Variants in NFIB observed in about 807,000 individuals in gnomAD.
NFIB encodes nuclear factor 1 B-type.
Under a neutral mutation model 61.5 loss-of-function variants are expected in NFIB, and 11 were observed. That is an observed-to-expected ratio of 0.18 (90% confidence interval 0.11 to 0.30). NFIB has a LOEUF of 0.30. Ranked by LOEUF, NFIB falls within the 10% of genes least tolerant of loss-of-function variation. The pLI is 1.00. For missense variants in NFIB, 471 were observed against 608.9 expected, an observed-to-expected ratio of 0.77 and a Z score of 2.38; for synonymous variants, 260 against 216.5, an observed-to-expected ratio of 1.20 and a Z score of -1.76.
At chr9:14,455,523 A>C in the NFIB span, among the ~76,000 whole-genome samples, 1 of 152,082 alleles carries the variant, frequency 6.6e-6, no homozygotes, top group Admixed American at 6.6e-5. Context: ...CTAAAAGGAG[A>C]AAGATGAAAA....
upstream of NFIB, chr9:14,316,958 G>C (rs879820643): frequency 6.6e-6 from 1 of 151,930 alleles, no homozygotes; most frequent in Non-Finnish European, 1.5e-5. Context: ...CCATTATTTC[G>C]GGGTCTCTTT....
intron 2 of NFIB, among the ~76,000 whole-genome samples, chr9:14,235,174 A>G (rs545164447): frequency 6.6e-6 from 1 of 152,220 alleles, no homozygotes; most frequent in African/African-American, 2.4e-5. Context: ...TCAGAAAAAA[A>G]GACTTCACAC....
intron 10 of NFIB, among the ~76,000 whole-genome samples, chr9:14,098,482 C>A (rs1385690538): frequency 6.6e-6 from 1 of 152,216 alleles, no homozygotes; most frequent in Non-Finnish European, 1.5e-5. Flanking sequence ...TCTTTCATAT[C>A]TGACAGTACA....
At chr9:14,303,089 TTC>T (rs913527325) in intron 2 of NFIB, among the ~76,000 whole-genome samples, 6 of 152,176 alleles carry the variant, frequency 3.9e-5, no homozygotes, top group Non-Finnish European at 2.9e-5. Flanking sequence ...CTTTAAAGTT[TTC>T]TCTCTCTCTT....
At chr9:14,301,778 G>A (rs1223339517) in intron 2 of NFIB, among the ~76,000 whole-genome samples, 1 of 152,104 alleles carries the variant, frequency 6.6e-6, no homozygotes, top group East Asian at 1.9e-4. Context: ...ACTTCTGGTG[G>A]GAGACTGTGT....
At chr9:14,252,879 C>T (rs80311137) in intron 2 of NFIB, among the ~76,000 whole-genome samples, 6,077 of 135,786 alleles carry the variant, frequency 0.045, 414 homozygotes, top group African/African-American at 0.15. Flanking sequence ...TAAACTTCTA[C>T]AAGAAGTCCA....
At position 14,127,313 on chromosome 9, in the gene NFIB, A is replaced by G. The variant is rs115494355; in HGVS notation, c.926-1547T>C. Among the ~76,000 whole-genome samples, 816 of 152,334 alleles carry G rather than the reference A, an allele frequency of 5.4e-3. 9 individuals carry two copies. Among genetic ancestry groups the G allele is most frequent in the African/African-American group, 0.017 (711 of 41,572 alleles). ...GTTTATCAACTCATAGTAAAATGTT[A>G]TAAAAATGATGAGCTATAAAATTTG... On this transcript the variant is annotated intron_variant, in intron 6 of 10. Transcript: ENST00000380953.
rs1483316260 is a variant in NFIB, at chr9:14,085,990, C to A, written c.*2319G>T. On this transcript the variant is annotated 3_prime_UTR_variant, in exon 11 of 11. Coordinates refer to ENST00000380953, the MANE Select transcript of NFIB (RefSeq NM_001190737.2). ...TGGAACTTTCAAGAAAAACTATCAC[C>A]AAGCCAAGTCTGCCTTTTTAAGCCA... The A allele has an allele frequency of 1.7e-5, 4 of 229,594 alleles. No homozygotes were observed. Among genetic ancestry groups the A allele is most frequent in the Non-Finnish European group, 3.5e-5 (4 of 115,650 alleles). The allele number at this position is 229,594 out of a possible 1,614,324, so 14.2% of individuals were successfully genotyped here. A position where few individuals can be genotyped will look rare whatever the true frequency, so the allele number is the denominator to read the frequency against.
intron 6 of NFIB, among the ~76,000 whole-genome samples, chr9:14,141,561 C>T (rs898570105): frequency 1.2e-4 from 18 of 152,080 alleles, no homozygotes; most frequent in African/African-American, 4.1e-4. Flanking sequence ...GTTACTTTTC[C>T]ATTCAGGAGG....
the NFIB span, among the ~76,000 whole-genome samples, chr9:14,494,160 G>A: frequency 6.6e-6 from 1 of 152,064 alleles, no homozygotes; most frequent in Non-Finnish European, 1.5e-5. Context: ...TTAGGCAAGT[G>A]GTATTTGTCC....
chr9:14,095,116 G>C (rs996629961), intron 10 of NFIB, among the ~76,000 whole-genome samples: 1 of 152,052 alleles, frequency 6.6e-6, no homozygotes, highest in East Asian at 1.9e-4. Flanking sequence ...AATACTTGAA[G>C]CCTTCGATAT....
intron 7 of NFIB, among the ~76,000 whole-genome samples, chr9:14,123,529 G>C (rs1234597755): frequency 6.6e-6 from 1 of 152,130 alleles, no homozygotes; most frequent in Admixed American, 6.5e-5. Context: ...AATCCCAACA[G>C]GTTTTTCAGT....
the NFIB span, among the ~76,000 whole-genome samples, chr9:14,484,859 C>A: frequency 5.9e-5 from 9 of 152,120 alleles, no homozygotes; most frequent in African/African-American, 2.2e-4. Context: ...GACTGGGGGG[C>A]TGAAACAACA....
intron 1 of NFIB, among the ~76,000 whole-genome samples, chr9:14,384,716 C>A (rs1437560173): frequency 6.6e-6 from 1 of 152,130 alleles, no homozygotes; most frequent in Non-Finnish European, 1.5e-5. Flanking sequence ...TAATCCCATA[C>A]CATCATTCAT....
At chr9:14,353,531 A>AG (rs1015508505) in intron 1 of NFIB, among the ~76,000 whole-genome samples, 4 of 152,248 alleles carry the variant, frequency 2.6e-5, no homozygotes, top group African/African-American at 9.6e-5. Flanking sequence ...AGGCGAATGA[A>AG]GGGGGCTGGG....
the NFIB span, among the ~76,000 whole-genome samples, chr9:14,467,522 T>G: frequency 1.3e-5 from 2 of 152,154 alleles, no homozygotes; most frequent in Admixed American, 6.5e-5. Context: ...CTTACTGGGG[T>G]GAAGGGATAT....
intron 1 of NFIB, among the ~76,000 whole-genome samples, chr9:14,333,259 CAGATG>C (rs1198876607): frequency 6.6e-6 from 1 of 152,172 alleles, no homozygotes; most frequent in Non-Finnish European, 1.5e-5. Flanking sequence ...TCTTGTTTTA[CAGATG>C]AGAAGATTTG....
the NFIB span, among the ~76,000 whole-genome samples, chr9:14,478,835 G>A: frequency 6.6e-6 from 1 of 152,152 alleles, no homozygotes; most frequent in African/African-American, 2.4e-5. Context: ...AAAAGCCCTA[G>A]AAGTGGAATT....
chr9:14,368,085 T>C (rs1350798767), intron 1 of NFIB, among the ~76,000 whole-genome samples: 1 of 151,598 alleles, frequency 6.6e-6, no homozygotes, highest in Non-Finnish European at 1.5e-5. Flanking sequence ...ACTTGGGACA[T>C]GTATACCTAT....
Sources: allele counts gnomAD v4.1 joint callset (sites outside exome capture counted in the v4.1 genomes callset), GRCh38; gene constraint gnomAD v4.1.1; transcripts MANE v1.5; gene names NCBI Gene and HGNC (gene_info 2026-07-23, HGNC 2026-07-21).